ARIH2: variants seen among roughly 807,000 people sequenced by gnomAD.
The protein encoded by ARIH2 is ariadne RBR E3 ubiquitin protein ligase 2, also known as E3 ubiquitin-protein ligase ARIH2.
ARIH2 carries 12 observed loss-of-function variants against 79.8 expected under a neutral mutation model. That is an observed-to-expected ratio of 0.15 (90% confidence interval 0.10 to 0.24). The LOEUF (loss-of-function observed/expected upper bound fraction) is 0.24. Ranked by LOEUF, ARIH2 falls within the 10% of genes least tolerant of loss-of-function variation. ARIH2 has a pLI of 1.00. For synonymous variants in ARIH2, 224 were observed against 213.9 expected (o/e 1.05, Z -0.41); for missense variants, 301 against 618.3 (o/e 0.49, Z 5.44).
intron 3 of ARIH2, among the ~76,000 whole-genome samples, chr3:48,932,723 A>G (rs1240884998): frequency 6.6e-6 from 1 of 152,158 alleles, no homozygotes; most frequent in African/African-American, 2.4e-5. Flanking sequence ...TCATCTTAGC[A>G]TCATGTTAGG....
At chr3:48,923,884 A>G (rs1414298617) in intron 2 of ARIH2, among the ~76,000 whole-genome samples, 4 of 152,168 alleles carry the variant, frequency 2.6e-5, no homozygotes, top group Admixed American at 6.6e-5. Flanking sequence ...CTATAATCCC[A>G]GCGTTTTGTA....
At chr3:48,979,352 G>C (rs2092670453) in intron 11 of ARIH2, 130 bp from the exon 12 acceptor site, 1 of 903,266 alleles carries the variant, frequency 1.1e-6, no homozygotes, top group African/African-American at 1.7e-5. Flanking sequence ...CTTCGGGAAA[G>C]AGGCACCCTT....
chr3:48,943,691 G>GAA (rs1395017518), intron 3 of ARIH2, among the ~76,000 whole-genome samples: 1 of 152,178 alleles, frequency 6.6e-6, no homozygotes, highest in Non-Finnish European at 1.5e-5. Flanking sequence ...GGTAGCTAAG[G>GAA]AAAGCAGTCG....
At chr3:48,946,201 G>A (rs1412407132) in intron 3 of ARIH2, among the ~76,000 whole-genome samples, 1 of 151,728 alleles carries the variant, frequency 6.6e-6, no homozygotes, top group Admixed American at 6.6e-5. Flanking sequence ...ATTTCCCCCT[G>A]GTCTTCATCC....
At chr3:48,925,448 G>A (rs1330309083) in intron 2 of ARIH2, among the ~76,000 whole-genome samples, 3 of 150,090 alleles carry the variant, frequency 2.0e-5, no homozygotes, top group Admixed American at 6.7e-5. Flanking sequence ...GTGTTGTAGA[G>A]ACATGGTCTC....
intron 3 of ARIH2, chr3:48,945,139 G>A (rs1224154539): frequency 9.3e-6 from 12 of 1,289,776 alleles, no homozygotes; most frequent in Middle Eastern, 2.1e-4. Context: ...TTTTCAGGCC[G>A]TTGATGCTCA....
rs899500531 is a variant in ARIH2 at position 48,947,692 on chromosome 3, G to A, written c.256-13920G>A. 3.3e-5 allele frequency among the ~76,000 whole-genome samples: 5 copies of A among 152,130 alleles called. 1 individual carries two copies. The highest frequency in any genetic ancestry group is 9.7e-5 in the African/African-American group (4 of 41,446). On this transcript the variant is annotated intron_variant, in intron 3 of 15. Transcript: ENST00000356401. ...GGGTCAACCCTTTGTATATTGTGAC[G>A]TATGATTATGTGAGTGATTGCCGTT...
intron 5 of ARIH2, 41 bp from the exon 6 acceptor site, chr3:48,967,084 C>T: frequency 1.9e-6 from 3 of 1,603,278 alleles, no homozygotes; most frequent in Non-Finnish European, 2.6e-6. Flanking sequence ...GCCTTCTGGA[C>T]CTGACTCCTC....
rs1210025146 is a variant in ARIH2, at chr3:48,920,601, T to C, written c.-162+1603T>C. On this transcript the variant is annotated intron_variant, in intron 1 of 15. Transcript: ENST00000356401. ...CTCCATCTCCCAGATCAAGCAGTTC[T>C]GCCTTAGCCTCCCGAGTAGCTGGGA... Among the ~76,000 whole-genome samples, 4 of 69,784 alleles carry C rather than the reference T, an allele frequency of 5.7e-5. 2 individuals carry two copies. Among genetic ancestry groups the C allele is most frequent in the African/African-American group, 1.8e-4 (4 of 21,860 alleles). The allele number at this position is 69,784 out of a possible 152,430, so 45.8% of individuals were successfully genotyped here. A position where few individuals can be genotyped will look rare whatever the true frequency, so the allele number is the denominator to read the frequency against.
Position 48,982,891 on chromosome 3 carries a change from TAC to T in ARIH2, c.1327-3_1327-2del, listed in dbSNP as rs1490264067. 5.6e-6 allele frequency: 9 copies of T among 1,613,928 alleles called. No individual in the cohort carries two copies. Among genetic ancestry groups the T allele is most frequent in the Non-Finnish European group, 7.6e-6 (9 of 1,179,810 alleles). ...CCTTTTGACCCTCCTGCTCTGCCTATACAGTTTGAATACCAGCAGGCTCAGCT... is the reference window on the plus strand; with the variant it reads ...CCTTTTGACCCTCCTGCTCTGCCTATAGTTTGAATACCAGCAGGCTCAGCT... On this transcript the variant is annotated splice_polypyrimidine_tract_variant and splice_region_variant and intron_variant, in intron 14 of 15. Transcript: ENST00000356401.
chr3:48,966,668 A>ATT (rs886299781), intron 5 of ARIH2, among the ~76,000 whole-genome samples: 1 of 152,184 alleles, frequency 6.6e-6, no homozygotes, highest in African/African-American at 2.4e-5. Flanking sequence ...CTGTTAGAAG[A>ATT]TTTATAAACT....
chr3:48,928,951 C>G (rs1399505127), intron 3 of ARIH2, among the ~76,000 whole-genome samples: 1 of 152,056 alleles, frequency 6.6e-6, no homozygotes, highest in Non-Finnish European at 1.5e-5. Context: ...TGCACTATGG[C>G]TATAACAAAG....
At position 48,918,907 on chromosome 3, in the gene ARIH2, C is replaced by G; in HGVS notation, c.-253C>G. 1 of 1,601,900 alleles carries G rather than the reference C, an allele frequency of 6.2e-7. No homozygotes were observed. The highest frequency in any genetic ancestry group is 8.5e-7 in the Non-Finnish European group (1 of 1,177,272). ...CTTGACCGGCGTCGGCCCGCCGCCT[C>G]CGCTGCCGCTTCGCCCCAATCCGGT... On this transcript the variant is annotated 5_prime_UTR_variant, in exon 1 of 16. Transcript: ENST00000356401.
intron 1 of ARIH2, among the ~76,000 whole-genome samples, chr3:48,921,893 A>C (rs1408263326): frequency 6.6e-6 from 1 of 152,070 alleles, no homozygotes. Context: ...CTGGGACTAC[A>C]GGCATGCACC....
chr3:48,977,386 A>G (rs1364120863), intron 11 of ARIH2, among the ~76,000 whole-genome samples: 4 of 149,998 alleles, frequency 2.7e-5, no homozygotes, highest in East Asian at 4.0e-4. Context: ...GCTCACTGCA[A>G]CCTCCACCTC....
intron 3 of ARIH2, among the ~76,000 whole-genome samples, chr3:48,937,708 T>C (rs910544750): frequency 6.6e-6 from 1 of 152,070 alleles, no homozygotes; most frequent in Non-Finnish European, 1.5e-5. Context: ...GAAGACATTC[T>C]CTTCAAAGGA....
chr3:48,921,816 A>G (rs1304147138), intron 1 of ARIH2, among the ~76,000 whole-genome samples: 1 of 149,820 alleles, frequency 6.7e-6, no homozygotes, highest in African/African-American at 2.5e-5. Context: ...TAGTGGCGTG[A>G]TCTTGGCTCA....
Position 48,956,439 on chromosome 3 carries a change from C to CTTTTTTTT in ARIH2, c.256-5146_256-5139dup, listed in dbSNP as rs34693818. Among the ~76,000 whole-genome samples the CTTTTTTTT allele has an allele frequency of 1.7e-4, 6 of 36,258 alleles. 1 individual carries two copies. The highest frequency in any genetic ancestry group is 2.1e-4 in the Non-Finnish European group (4 of 19,454). The allele number at this position is 36,258 out of a possible 152,430, so 23.8% of individuals were successfully genotyped here. A position where few individuals can be genotyped will look rare whatever the true frequency, so the allele number is the denominator to read the frequency against. On this transcript the variant is annotated intron_variant, in intron 3 of 15. Transcript: ENST00000356401. ...CAGACGTGAGCCACTGCGCCCGGCA[C>CTTTTTTTT]TTTTTTTTTTTTTTTTTTTTTTTTT... is the stretch of plus-strand genomic sequence containing the variant.
rs72932016 is a variant in ARIH2, at chr3:48,928,665, A to G, written c.255+852A>G. 6.4e-3 allele frequency among the ~76,000 whole-genome samples: 977 copies of G among 152,302 alleles called. 15 individuals carry two copies. Among genetic ancestry groups the G allele is most frequent in the African/African-American group, 0.022 (926 of 41,562 alleles). On this transcript the variant is annotated intron_variant, in intron 3 of 15. Transcript: ENST00000356401. Reference sequence around the variant, plus strand: ...CCAAATAAATTTTATTGGAACTTAAACAGAAATAACTAAGGTGTGCCTTGT... The same window carrying G: ...CCAAATAAATTTTATTGGAACTTAAGCAGAAATAACTAAGGTGTGCCTTGT...
Sources: gnomAD v4.1 joint callset for allele counts (sites outside exome capture counted in the v4.1 genomes callset) on GRCh38, gnomAD v4.1.1 for gene constraint, MANE v1.5 for transcripts, NCBI Gene and HGNC (gene_info 2026-07-23, HGNC 2026-07-21) for gene names.